The following ZNF804B variants were observed in gnomAD, a reference collection of about 807,000 sequenced individuals.
ZNF804B encodes zinc finger protein 804B, also known as zinc finger 804B.
ZNF804B carries 80 observed loss-of-function variants against 101.4 expected under a neutral mutation model. The observed-to-expected ratio is 0.79, with a 90% confidence interval of 0.66 to 0.95. The LOEUF is 0.95. ZNF804B is among the 40% of genes least tolerant of loss of function. ZNF804B has a pLI of 0.00. For missense variants in ZNF804B, 1,673 were observed against 1,561.9 expected, an observed-to-expected ratio of 1.07 and a Z score of -1.20; for synonymous variants, 622 against 558.8, an observed-to-expected ratio of 1.11 and a Z score of -1.59.
chr7:89,071,396 CAAG>C (rs1426015697), intron 1 of ZNF804B, among the ~76,000 whole-genome samples: 4 of 152,136 alleles, frequency 2.6e-5, no homozygotes, highest in African/African-American at 9.6e-5. Flanking sequence ...AAATTTCACT[CAAG>C]AAGTATAGAA....
chr7:88,989,642 T>A (rs1466684263), intron 1 of ZNF804B, among the ~76,000 whole-genome samples: 1 of 152,048 alleles, frequency 6.6e-6, no homozygotes, highest in East Asian at 1.9e-4. Flanking sequence ...GTCAGATACC[T>A]CCATTGGCCA....
chr7:88,782,199 T>A (rs1404534269), intron 1 of ZNF804B, among the ~76,000 whole-genome samples: 1 of 150,592 alleles, frequency 6.6e-6, no homozygotes, highest in Admixed American at 6.6e-5. Flanking sequence ...GGTGACAGGG[T>A]CACACATCTG....
chr7:89,290,148 A>G (rs1307678891), intron 2 of ZNF804B, among the ~76,000 whole-genome samples: 1 of 152,136 alleles, frequency 6.6e-6, no homozygotes, highest in Non-Finnish European at 1.5e-5. Flanking sequence ...GGGAGGAACC[A>G]GTTTCAGGAG....
intron 1 of ZNF804B, among the ~76,000 whole-genome samples, chr7:88,878,506 A>G (rs907970247): frequency 2.0e-5 from 3 of 152,170 alleles, no homozygotes; most frequent in Non-Finnish European, 1.5e-5. Context: ...TGAGAATGGT[A>G]TAGGAATCAA....
chr7:89,020,063 A>G (rs1478456125), intron 1 of ZNF804B, among the ~76,000 whole-genome samples: 1 of 152,108 alleles, frequency 6.6e-6, no homozygotes, highest in East Asian at 1.9e-4. Context: ...TAGTAGTTAT[A>G]AGTTGTGACA....
intron 1 of ZNF804B, among the ~76,000 whole-genome samples, chr7:89,009,095 C>A (rs1008418406): frequency 6.6e-6 from 1 of 152,148 alleles, no homozygotes; most frequent in Admixed American, 6.6e-5. Flanking sequence ...ATTTGCTTGA[C>A]ATGTGACTAA....
intron 1 of ZNF804B, among the ~76,000 whole-genome samples, chr7:88,822,377 T>C (rs1790996387): frequency 6.6e-6 from 1 of 152,156 alleles, no homozygotes; most frequent in Non-Finnish European, 1.5e-5. Context: ...CTACTTAAAG[T>C]TTATTAATAT....
intron 1 of ZNF804B, among the ~76,000 whole-genome samples, chr7:89,166,860 A>G (rs974444686): frequency 1.3e-5 from 2 of 152,190 alleles, no homozygotes; most frequent in African/African-American, 4.8e-5. Context: ...TGAAATTATT[A>G]CAGCAGTATG....
At chr7:88,882,857 C>T (rs923005735) in intron 1 of ZNF804B, among the ~76,000 whole-genome samples, 2 of 151,960 alleles carry the variant, frequency 1.3e-5, no homozygotes, top group Non-Finnish European at 2.9e-5. Context: ...GGGACTATTA[C>T]AGCGGGGAAG....
chr7:88,786,892 T>C (rs1345233959), intron 1 of ZNF804B, among the ~76,000 whole-genome samples: 2 of 152,114 alleles, frequency 1.3e-5, no homozygotes, highest in African/African-American at 4.8e-5. Context: ...ACACTAAATA[T>C]ACAAATGAAA....
chr7:89,323,560 C>T (rs1007899263), intron 2 of ZNF804B, among the ~76,000 whole-genome samples: 4 of 152,010 alleles, frequency 2.6e-5, no homozygotes, highest in African/African-American at 9.7e-5. Context: ...ATATAACACA[C>T]TTGTATCATA....
intron 2 of ZNF804B, among the ~76,000 whole-genome samples, chr7:89,260,953 A>G (rs1789704099): frequency 6.6e-6 from 1 of 151,432 alleles, no homozygotes; most frequent in Non-Finnish European, 1.5e-5. Flanking sequence ...CATTTGCACT[A>G]AGCACAATAA....
intron 1 of ZNF804B, among the ~76,000 whole-genome samples, chr7:88,848,578 A>G (rs1352157964): frequency 1.3e-5 from 2 of 151,996 alleles, no homozygotes; most frequent in African/African-American, 4.8e-5. Context: ...AAATGATTGT[A>G]AAGTATATTT....
chr7:88,975,909 A>G (rs1331164972), intron 1 of ZNF804B, among the ~76,000 whole-genome samples: 1 of 151,514 alleles, frequency 6.6e-6, no homozygotes, highest in East Asian at 1.9e-4. Flanking sequence ...ATAGTTTGGG[A>G]TCTCAGATTT....
chr7:89,313,206 T>C (rs1790669120), intron 2 of ZNF804B, among the ~76,000 whole-genome samples: 1 of 152,352 alleles, frequency 6.6e-6, no homozygotes, highest in East Asian at 1.9e-4. Context: ...TCATTTGGTG[T>C]GGATCAAGTC....
intron 1 of ZNF804B, among the ~76,000 whole-genome samples, chr7:88,849,395 G>A (rs1003136361): frequency 2.0e-5 from 3 of 151,832 alleles, no homozygotes; most frequent in Non-Finnish European, 2.9e-5. Context: ...AAAATGAAAA[G>A]AGTGGGCTTA....
intron 1 of ZNF804B, among the ~76,000 whole-genome samples, chr7:89,113,607 C>T (rs908928543): frequency 6.6e-6 from 1 of 152,016 alleles, no homozygotes; most frequent in Non-Finnish European, 1.5e-5. Context: ...TTAGCTGGGA[C>T]AAATTGGTGT....
intron 1 of ZNF804B, among the ~76,000 whole-genome samples, chr7:89,078,356 A>G (rs185576174): frequency 6.6e-6 from 1 of 152,206 alleles, no homozygotes; most frequent in East Asian, 1.9e-4. Context: ...GAAATGCTCA[A>G]TTAAGAACTT....
chr7:89,060,634 C>G (rs2060126096), intron 1 of ZNF804B, among the ~76,000 whole-genome samples: 1 of 152,118 alleles, frequency 6.6e-6, no homozygotes, highest in Non-Finnish European at 1.5e-5. Context: ...TATATTAATT[C>G]TACTCCTCCA....
Sources: gnomAD v4.1 joint callset for allele counts (sites outside exome capture counted in the v4.1 genomes callset) on GRCh38, gnomAD v4.1.1 for gene constraint, MANE v1.5 for transcripts, NCBI Gene and HGNC (gene_info 2026-07-23, HGNC 2026-07-21) for gene names.